Variants in PEDS1 observed in about 807,000 individuals in gnomAD.
PEDS1 encodes the protein CarF homolog.
PEDS1 carries 14 observed loss-of-function variants against 35.2 expected under a neutral mutation model. The ratio of observed to expected loss-of-function variants is 0.40; its 90% CI spans 0.26 to 0.62. The LOEUF (loss-of-function observed/expected upper bound fraction) is 0.62, where lower values mean the gene tolerates loss of function less well. Among genes scored for constraint, PEDS1 ranks in the 20% least tolerant of loss-of-function variants. The pLI is 0.44. For missense variants in PEDS1, 260 were observed against 367.8 expected (o/e 0.71, Z 2.40); for synonymous variants, 152 against 152.0 (o/e 1.00, Z 0.00).
Position 50,143,560 on chromosome 20 carries a change from C to T in PEDS1, c.183G>A (p.Leu61=). 6.2e-7 allele frequency: 1 copy of T among 1,613,902 alleles called. No homozygotes were observed. Among genetic ancestry groups the T allele is most frequent in the Non-Finnish European group, 8.5e-7 (1 of 1,179,966 alleles). The change falls in exon 2 of 6, where the codon CTG becomes CTA. Residue 61 remains leucine, a synonymous_variant. Transcript: ENST00000371652. ...ILCFSLIAHN[L]VHLLLLARWE... is the part of the protein sequence containing the mutation. ...AGCGGGCCAGCAGCAGGAGATGGACCAGGTTGTGGGCGATGAGGCTGAAGC... is the reference window on the plus strand; with the variant it reads ...AGCGGGCCAGCAGCAGGAGATGGACTAGGTTGTGGGCGATGAGGCTGAAGC...
intron 2 of PEDS1, among the ~76,000 whole-genome samples, chr20:50,143,057 G>A (rs2081310531): frequency 6.6e-6 from 1 of 152,106 alleles, no homozygotes; most frequent in African/African-American, 2.4e-5. Flanking sequence ...GGCATGATCT[G>A]CCTGGGGCTC....
intron 2 of PEDS1, among the ~76,000 whole-genome samples, chr20:50,140,124 C>A (rs1479282203): frequency 6.6e-6 from 1 of 152,234 alleles, no homozygotes; most frequent in East Asian, 1.9e-4. Flanking sequence ...ACCTTGGAGT[C>A]AAGCTAATTC....
rs1230772534 is a variant in PEDS1, at chr20:50,128,132, G to A, written c.534C>T (p.Phe178=). The change falls in exon 5 of 6, where the codon TTC becomes TTT. Residue 178 remains phenylalanine, a synonymous_variant. Coordinates refer to ENST00000371652, the MANE Select transcript of PEDS1 (RefSeq NM_199129.4). The surrounding 1 kb of genome is among the most constrained non-coding windows in gnomAD (Gnocchi z 5.2). The stretch of plus-strand genomic sequence containing the variant: ...TGTGGATCTGGTTGGTGAAGGTGCC[G>A]AAGATGATCAGGCAGAAGACGAAGC... The part of the protein sequence containing the change: ...WECFVFCLII[F]GTFTNQIHKW... 3.1e-6 allele frequency: 5 copies of A among 1,614,154 alleles called. No individual in the cohort carries two copies. In the Middle Eastern group the frequency reaches 4.9e-4, roughly 160 times the overall value.
chr20:50,134,517 A>G (rs1475641475), intron 2 of PEDS1, among the ~76,000 whole-genome samples: 2 of 152,212 alleles, frequency 1.3e-5, no homozygotes, highest in African/African-American at 2.4e-5. Flanking sequence ...ATTGCACTCC[A>G]GGCTAGGCAA....
chr20:50,136,587 G>C (rs2081236640), intron 2 of PEDS1, among the ~76,000 whole-genome samples: 1 of 152,076 alleles, frequency 6.6e-6, no homozygotes, highest in Non-Finnish European at 1.5e-5. Context: ...GCCGACCATG[G>C]TGGTGTAGGC....
At position 50,124,860 on chromosome 20, in the gene PEDS1, A is replaced by G. The variant is rs112331719; in HGVS notation, c.*198T>C. 6.4e-3 allele frequency: 4,040 copies of G among 635,006 alleles called. 117 individuals carry two copies. The African/African-American group carries it at 0.067, about 11-fold the overall frequency. 39.3% of individuals were successfully genotyped at this position (635,006 alleles called of 1,614,324 possible). ...AACTCAGGTGGCTGAGGAGGGGCCG[A>G]GGAAAAAAAAAAAAAAGAAATGAAA... is the stretch of plus-strand genomic sequence containing the variant. On this transcript the variant is annotated 3_prime_UTR_variant, in exon 6 of 6. Coordinates refer to ENST00000371652, the MANE Select transcript of PEDS1 (RefSeq NM_199129.4).
At chr20:50,137,161 T>A (rs1181447745) in intron 2 of PEDS1, among the ~76,000 whole-genome samples, 1 of 152,108 alleles carries the variant, frequency 6.6e-6, no homozygotes, top group Non-Finnish European at 1.5e-5. Context: ...TGAGCTCCCA[T>A]GCTCAAGCGA....
At chr20:50,127,565 C>T (rs534052163) in intron 5 of PEDS1, among the ~76,000 whole-genome samples, 20 of 152,198 alleles carry the variant, frequency 1.3e-4, no homozygotes, top group African/African-American at 4.6e-4. Context: ...AGGCTGGTCT[C>T]CAACTCCTGA....
At chr20:50,150,174 T>C (rs1444791249) in intron 1 of PEDS1, among the ~76,000 whole-genome samples, 1 of 151,946 alleles carries the variant, frequency 6.6e-6, no homozygotes, top group Non-Finnish European at 1.5e-5. Context: ...CACACGGTTG[T>C]AGTGGGGATG....
At chr20:50,125,881 G>A (rs1280898409) in intron 5 of PEDS1, among the ~76,000 whole-genome samples, 3 of 152,088 alleles carry the variant, frequency 2.0e-5, no homozygotes, top group East Asian at 3.9e-4. Flanking sequence ...ATGAACCACT[G>A]AGCCTGGCTC....
rs377647749 is a variant in PEDS1, at chr20:50,122,359, CAA to C, written c.*2697_*2698del. Reference sequence around the variant, plus strand: ...GGTCCCCTCAGGCATAGTCACAAATCAAAAGTCTAGTTGGCAAAGGAAAATGG... The same window carrying C: ...GGTCCCCTCAGGCATAGTCACAAATCAAGTCTAGTTGGCAAAGGAAAATGG... On this transcript the variant is annotated 3_prime_UTR_variant, in exon 6 of 6. Transcript: ENST00000371652. The C allele has an allele frequency of 2.6e-3, 392 of 152,256 alleles. 1 individual carries two copies. Among genetic ancestry groups the C allele is most frequent in the African/African-American group, 8.9e-3 (369 of 41,550 alleles). 9.4% of individuals were successfully genotyped at this position (152,256 alleles called of 1,614,324 possible). A position where few individuals can be genotyped will look rare whatever the true frequency, so the allele number is the denominator to read the frequency against.
intron 1 of PEDS1, among the ~76,000 whole-genome samples, chr20:50,146,605 C>T (rs1052407587): frequency 2.6e-5 from 4 of 152,160 alleles, no homozygotes; most frequent in African/African-American, 9.7e-5. Context: ...GGTCACACAA[C>T]AGCAAGCTGC....
Position 50,128,213 on chromosome 20 carries a change from G to A in PEDS1, c.479-26C>T, listed in dbSNP as rs554489753. 2.6e-5 allele frequency: 42 copies of A among 1,612,308 alleles called. No homozygotes were observed. The highest frequency in any genetic ancestry group is 7.7e-5 in the South Asian group (7 of 90,958). On this transcript the variant is annotated intron_variant, in intron 4 of 5. Transcript: ENST00000371652. The surrounding 1 kb of genome is among the most constrained non-coding windows in gnomAD (Gnocchi z 5.2). Reference sequence around the variant, plus strand: ...CTGCAGGTTGGGGAGAGGGGGGGCCGGCACAGCTGTCACTCGGGACGGGGA... The same window carrying A: ...CTGCAGGTTGGGGAGAGGGGGGGCCAGCACAGCTGTCACTCGGGACGGGGA...
chr20:50,131,745 G>A (rs533861696), intron 2 of PEDS1, among the ~76,000 whole-genome samples: 1 of 129,928 alleles, frequency 7.7e-6, no homozygotes, highest in Admixed American at 1.0e-4. Context: ...CCTTGTTTCT[G>A]TTCTCAATCT....
chr20:50,140,376 A>G (rs970075640), intron 2 of PEDS1, among the ~76,000 whole-genome samples: 39 of 152,184 alleles, frequency 2.6e-4, no homozygotes, highest in African/African-American at 8.9e-4. Context: ...AAACTCACCA[A>G]TGGCTTCTCA....
intron 1 of PEDS1, 113 bp downstream of exon 1, chr20:50,153,404 A>C: frequency 1.6e-6 from 2 of 1,228,778 alleles, no homozygotes; most frequent in Non-Finnish European, 1.0e-6. Context: ...TGCAAGTTAG[A>C]CACCCGGGCT....
rs570008108 is a variant in PEDS1 at position 50,129,799 on chromosome 20, A to T, written c.334-109T>A. The T allele has an allele frequency of 2.1e-5, 32 of 1,503,146 alleles. No homozygotes were observed. Among genetic ancestry groups the T allele is most frequent in the Admixed American group, 1.4e-4 (7 of 49,362 alleles). The allele number at this position is 1,503,146 out of a possible 1,614,324, so 93.1% of individuals were successfully genotyped here. A position where few individuals can be genotyped will look rare whatever the true frequency, so the allele number is the denominator to read the frequency against. Reference sequence around the variant, plus strand: ...GGCTCACCTCCCGCCTTTGATCCTAAGTTTCCTCCACCCGGGATGCTTGAA... The same window carrying T: ...GGCTCACCTCCCGCCTTTGATCCTATGTTTCCTCCACCCGGGATGCTTGAA... On this transcript the variant is annotated intron_variant, in intron 3 of 5. Coordinates refer to ENST00000371652, the MANE Select transcript of PEDS1 (RefSeq NM_199129.4). This position sits in a 1 kb window ranked among gnomAD's most constrained non-coding sequence, Gnocchi z 4.2.
At chr20:50,139,257 A>G (rs1349370022) in intron 2 of PEDS1, among the ~76,000 whole-genome samples, 1 of 151,454 alleles carries the variant, frequency 6.6e-6, no homozygotes, top group East Asian at 1.9e-4. Flanking sequence ...CCAACTCACA[A>G]CCCAAACACT....
intron 1 of PEDS1, chr20:50,151,268 C>T (rs1445463869): frequency 7.7e-7 from 1 of 1,304,216 alleles, no homozygotes; most frequent in African/African-American, 1.5e-5. Flanking sequence ...ACCAGGCTGT[C>T]TGCAGACTCT....
Sources: gnomAD v4.1 joint callset for allele counts (sites outside exome capture counted in the v4.1 genomes callset) on GRCh38, gnomAD v4.1.1 for gene constraint, Gnocchi (gnomAD v3.1) non-coding constraint, MANE v1.5 for transcripts, NCBI Gene and HGNC (gene_info 2026-07-23, HGNC 2026-07-21) for gene names.